ZNF274: variants seen among roughly 807,000 people sequenced by gnomAD.
The protein encoded by ZNF274 is zinc finger protein 274.
A neutral mutation model predicts 42.5 loss-of-function variants in ZNF274; 23 were observed. That is an observed-to-expected ratio of 0.54 (90% CI 0.39 to 0.77). ZNF274 has a LOEUF of 0.77. Among genes scored for constraint, ZNF274 ranks in the 30% least tolerant of loss-of-function variants. The pLI, the probability that ZNF274 is intolerant of heterozygous loss-of-function variation, is 0.00. For missense variants in ZNF274, 679 were observed against 806.5 expected, an observed-to-expected ratio of 0.84 and a Z score of 1.91; for synonymous variants, 292 against 305.4, an observed-to-expected ratio of 0.96 and a Z score of 0.46.
In ZNF274 at chr19:58,187,060, G is replaced by A. The variant is rs75577165; in HGVS notation, c.256+18G>A. 5.3e-4 allele frequency: 846 copies of A among 1,602,622 alleles called. 2 individuals carry two copies. The African/African-American group carries it at 0.01, about 20-fold the overall frequency. Reference sequence around the variant, plus strand: ...CATTCCAGGTGAGAACCAGACATGGGAAGCCCCCACAGGGAAGGGGCCAAC... The same window carrying A: ...CATTCCAGGTGAGAACCAGACATGGAAAGCCCCCACAGGGAAGGGGCCAAC... On this transcript the variant is annotated intron_variant, in intron 4 of 7. Transcript: ENST00000617501.
intron 4 of ZNF274, among the ~76,000 whole-genome samples, chr19:58,203,975 A>C (rs887810406): frequency 6.6e-6 from 1 of 152,214 alleles, no homozygotes; most frequent in Non-Finnish European, 1.5e-5. Flanking sequence ...CTCTGGGCAG[A>C]TCCCAGCGCG....
intron 4 of ZNF274, among the ~76,000 whole-genome samples, chr19:58,187,932 C>T (rs926222375): frequency 6.6e-6 from 1 of 152,062 alleles, no homozygotes; most frequent in African/African-American, 2.4e-5. Context: ...ACCATGTTGG[C>T]CATGCTGTTC....
At chr19:58,189,771 C>G (rs1472166499) in intron 4 of ZNF274, among the ~76,000 whole-genome samples, 3 of 152,164 alleles carry the variant, frequency 2.0e-5, no homozygotes, top group African/African-American at 4.8e-5. Context: ...CAGGTTAATC[C>G]TGCCTCATGG....
intron 4 of ZNF274, among the ~76,000 whole-genome samples, chr19:58,193,378 C>T (rs1209886500): frequency 1.3e-5 from 2 of 150,718 alleles, no homozygotes; most frequent in South Asian, 2.1e-4. Flanking sequence ...GATCTCCTGA[C>T]CTCATGATCT....
chr19:58,204,461 A>G (rs537450628), intron 4 of ZNF274, among the ~76,000 whole-genome samples: 2 of 151,940 alleles, frequency 1.3e-5, no homozygotes, highest in African/African-American at 2.4e-5. Context: ...GGGTTAGCTT[A>G]TGGTTGTGGC....
chr19:58,193,872 G>T (rs1179361660), intron 4 of ZNF274, among the ~76,000 whole-genome samples: 1 of 152,090 alleles, frequency 6.6e-6, no homozygotes, highest in Non-Finnish European at 1.5e-5. Context: ...GCTGCATTGA[G>T]CTGTGATTGT....
intron 4 of ZNF274, among the ~76,000 whole-genome samples, chr19:58,188,132 G>A (rs1430872787): frequency 6.6e-6 from 1 of 151,676 alleles, no homozygotes; most frequent in African/African-American, 2.4e-5. Context: ...TTTTTTGCAC[G>A]AACAAGTTGG....
intron 4 of ZNF274, among the ~76,000 whole-genome samples, chr19:58,194,208 T>A (rs1168916848): frequency 3.3e-5 from 5 of 151,768 alleles, no homozygotes; most frequent in Admixed American, 2.0e-4. Flanking sequence ...CAAAAATATG[T>A]GTGTGTGTGG....
intron 4 of ZNF274, among the ~76,000 whole-genome samples, chr19:58,205,161 C>T (rs2075967280): frequency 6.6e-6 from 1 of 152,188 alleles, no homozygotes; most frequent in Non-Finnish European, 1.5e-5. Context: ...GTGAAAGTAG[C>T]TGTGGTTCCT....
intron 4 of ZNF274, among the ~76,000 whole-genome samples, chr19:58,200,523 A>T (rs1400202420): frequency 6.6e-6 from 1 of 152,198 alleles, no homozygotes; most frequent in Non-Finnish European, 1.5e-5. Flanking sequence ...AAGTAGGAAG[A>T]TGGTTCTGAG....
intron 4 of ZNF274, among the ~76,000 whole-genome samples, chr19:58,195,410 A>G (rs145943507): frequency 8.6e-5 from 13 of 151,220 alleles, no homozygotes; most frequent in African/African-American, 2.9e-4. Context: ...ATTTAGACCT[A>G]AGAAGGAGAT....
chr19:58,199,444 A>T (rs1259706778), intron 4 of ZNF274, among the ~76,000 whole-genome samples: 1 of 152,070 alleles, frequency 6.6e-6, no homozygotes, highest in Non-Finnish European at 1.5e-5. Flanking sequence ...ATGGTGGCTC[A>T]CACCTGTACT....
chr19:58,184,230 G>T, intron 2 of ZNF274: 1 of 551,896 alleles, frequency 1.8e-6, no homozygotes. Context: ...CTGAAGGCCA[G>T]GTTAAGGCTC....
At chr19:58,187,125 A>T in intron 4 of ZNF274, 83 bp downstream of exon 4, 1 of 1,201,786 alleles carries the variant, frequency 8.3e-7, no homozygotes, top group Non-Finnish European at 1.2e-6. Flanking sequence ...AGCAGTAGAC[A>T]TTGGGATACC....
Position 58,207,090 on chromosome 19 carries a change from C to T in ZNF274, c.627C>T (p.Phe209=). ...QILELLVLEQ[F]LGALPVKLRT... ...TGGAGCTGCTGGTGCTGGAGCAGTT[C>T]CTAGGTGCACTGCCTGTGAAGCTCC... Residue 209 remains phenylalanine (F), a synonymous_variant, in exon 5 of 8, where the codon TTC becomes TTT. Transcript: ENST00000617501. This position sits in a 1 kb window ranked among gnomAD's most constrained non-coding sequence, Gnocchi z 5.6. 1 of 1,613,852 alleles carries T rather than the reference C, an allele frequency of 6.2e-7. No individual in the cohort carries two copies. The highest frequency in any genetic ancestry group is 8.5e-7 in the Non-Finnish European group (1 of 1,179,926).
intron 4 of ZNF274, among the ~76,000 whole-genome samples, chr19:58,200,785 C>T (rs755493420): frequency 2.0e-5 from 3 of 152,174 alleles, no homozygotes; most frequent in Non-Finnish European, 4.4e-5. Flanking sequence ...TTAGGCCGTT[C>T]TTAAATTGCT....
chr19:58,188,712 A>ATATATATATATG (rs2075741773), intron 4 of ZNF274, among the ~76,000 whole-genome samples: 1 of 124,088 alleles, frequency 8.1e-6, no homozygotes, highest in Non-Finnish European at 1.7e-5. Context: ...ATATATATAT[A>ATATATATATATG]TATATATATA....
chr19:58,190,261 C>T (rs1218014680), intron 4 of ZNF274, among the ~76,000 whole-genome samples: 1 of 151,384 alleles, frequency 6.6e-6, no homozygotes, highest in African/African-American at 2.4e-5. Flanking sequence ...GATTCTCGTG[C>T]CTCAGCCTCC....
intron 4 of ZNF274, among the ~76,000 whole-genome samples, chr19:58,195,640 T>C (rs1311705846): frequency 6.6e-6 from 1 of 152,188 alleles, no homozygotes; most frequent in Non-Finnish European, 1.5e-5. Context: ...ATAGCAAGAA[T>C]GGCAGTCAAG....
Sources: allele counts gnomAD v4.1 joint callset (sites outside exome capture counted in the v4.1 genomes callset), GRCh38; gene constraint gnomAD v4.1.1; non-coding constraint Gnocchi (gnomAD v3.1); transcripts MANE v1.5; gene names NCBI Gene and HGNC (gene_info 2026-07-23, HGNC 2026-07-21).